NCKAP1: variants seen among roughly 807,000 people sequenced by gnomAD.
NCKAP1 encodes NCK associated protein 1.
A neutral mutation model predicts 151.2 loss-of-function variants in NCKAP1; 21 were observed. The ratio of observed to expected loss-of-function variants is 0.14; its 90% CI spans 0.10 to 0.20. The LOEUF is 0.20. Among genes scored for constraint, NCKAP1 ranks in the 10% least tolerant of loss-of-function variants. The pLI, the probability that NCKAP1 is intolerant of heterozygous loss-of-function variation, is 1.00. For missense variants in NCKAP1, 933 were observed against 1,352.1 expected, an observed-to-expected ratio of 0.69 and a Z score of 4.86; for synonymous variants, 484 against 451.8, an observed-to-expected ratio of 1.07 and a Z score of -0.90.
At chr2:183,037,921 A>G (rs960566311) in intron 1 of NCKAP1, 71 bp downstream of exon 1, 1 of 1,183,200 alleles carries the variant, frequency 8.5e-7, no homozygotes, top group East Asian at 3.2e-5. Flanking sequence ...CCCCCACCCC[A>G]CGGCCTCCCT....
At chr2:182,925,871 A>G in intron 30 of NCKAP1, 53 bp from the exon 31 acceptor site, 1 of 965,384 alleles carries the variant, frequency 1.0e-6, no homozygotes, top group Non-Finnish European at 1.5e-6. Context: ...TTGTTTATAA[A>G]CAAAAATCAT....
chr2:182,975,161 T>C (rs1401953751), intron 15 of NCKAP1, among the ~76,000 whole-genome samples: 1 of 152,182 alleles, frequency 6.6e-6, no homozygotes, highest in African/African-American at 2.4e-5. Context: ...CACTTCTTTT[T>C]TTTACAAGTT....
At chr2:183,026,133 A>C (rs1410323363) in intron 1 of NCKAP1, among the ~76,000 whole-genome samples, 1 of 152,222 alleles carries the variant, frequency 6.6e-6, no homozygotes, top group Non-Finnish European at 1.5e-5. Context: ...TCTTACACTG[A>C]AAACAGAAAG....
intron 15 of NCKAP1, 78 bp from the exon 16 acceptor site, chr2:182,967,439 C>T (rs1176073331): frequency 8.4e-6 from 11 of 1,302,760 alleles, no homozygotes; most frequent in Non-Finnish European, 1.2e-5. Flanking sequence ...GGGGGAAAAG[C>T]ATCACTGAAA....
rs1196018904 is a variant in NCKAP1 at position 182,919,095 on chromosome 2, T to TA, written c.*6606dup. On this transcript the variant is annotated 3_prime_UTR_variant, in exon 31 of 31. Coordinates refer to ENST00000361354, the MANE Select transcript of NCKAP1 (RefSeq NM_013436.5). The stretch of plus-strand genomic sequence containing the variant: ...AAGAGCAATATTTAGAGGTTTGAAT[T>TA]AGAGAAAACAGAGTATCTGGTACAC... 1 of 152,198 alleles carries TA rather than the reference T, an allele frequency of 6.6e-6. No homozygotes were observed. The highest frequency in any genetic ancestry group is 1.5e-5 in the Non-Finnish European group (1 of 68,028). 9.4% of individuals were successfully genotyped at this position (152,198 alleles called of 1,614,324 possible).
chr2:182,996,299 T>C (rs186216785), intron 6 of NCKAP1, among the ~76,000 whole-genome samples: 1 of 152,338 alleles, frequency 6.6e-6, no homozygotes, highest in Admixed American at 6.5e-5. Context: ...TAATACACTG[T>C]ACCTCATCTT....
intron 7 of NCKAP1, 107 bp downstream of exon 7, chr2:182,995,594 A>G: frequency 1.9e-6 from 2 of 1,042,908 alleles, no homozygotes; most frequent in Non-Finnish European, 2.8e-6. Context: ...ATGAACTTCA[A>G]CTAATAAGCT....
intron 12 of NCKAP1, 71 bp downstream of exon 12, chr2:182,982,743 TCTATCAG>T: frequency 1.2e-6 from 1 of 855,874 alleles, no homozygotes; most frequent in Non-Finnish European, 1.8e-6. Flanking sequence ...TTACAATAGG[TCTATCAG>T]GACATAACCC....
In NCKAP1 at chr2:183,004,689, G is replaced by C. The variant is rs572738973; in HGVS notation, c.220-1364C>G. ...ACCTGAGGTCAGCAGTTCGAGACCA[G>C]CCTGACCAACATGGTGAAACCCTGT... On this transcript the variant is annotated intron_variant, in intron 2 of 30. Coordinates refer to ENST00000361354, the MANE Select transcript of NCKAP1 (RefSeq NM_013436.5). Among the ~76,000 whole-genome samples the C allele has an allele frequency of 2.6e-5, 4 of 152,040 alleles. No individual in the cohort carries two copies. The East Asian group carries it at 5.8e-4, about 22-fold the overall frequency.
At chr2:183,031,966 A>C (rs952089551) in intron 1 of NCKAP1, among the ~76,000 whole-genome samples, 1 of 152,188 alleles carries the variant, frequency 6.6e-6, no homozygotes, top group African/African-American at 2.4e-5. Context: ...TTAAATCACC[A>C]CAGTTAATAA....
intron 1 of NCKAP1, among the ~76,000 whole-genome samples, chr2:183,036,182 T>A (rs1389983912): frequency 1.3e-5 from 2 of 152,346 alleles, no homozygotes; most frequent in African/African-American, 4.8e-5. Flanking sequence ...AGAGTTCAAA[T>A]GCCCAGAATT....
chr2:183,003,373 T>C (rs745685852), intron 2 of NCKAP1, 48 bp from the exon 3 acceptor site: 1 of 1,056,570 alleles, frequency 9.5e-7, no homozygotes, highest in Non-Finnish European at 1.4e-6. Context: ...ACAAAAGTAT[T>C]TAATTTTACT....
intron 20 of NCKAP1, among the ~76,000 whole-genome samples, chr2:182,953,957 T>C (rs1264184294): frequency 6.6e-6 from 1 of 152,200 alleles, no homozygotes; most frequent in Non-Finnish European, 1.5e-5. Context: ...CAGTGAACTA[T>C]TTAGTCTACA....
chr2:182,994,804 G>C (rs375502064), intron 8 of NCKAP1, 35 bp downstream of exon 8: 22 of 1,533,234 alleles, frequency 1.4e-5, no homozygotes, highest in African/African-American at 8.2e-5. Context: ...CATAAAGCCT[G>C]GGGAGTAATC....
chr2:183,018,906 T>TAA (rs1698744882), intron 2 of NCKAP1, among the ~76,000 whole-genome samples: 1 of 152,212 alleles, frequency 6.6e-6, no homozygotes, highest in African/African-American at 2.4e-5. Flanking sequence ...TTATTACACT[T>TAA]AGAGTTGCTT....
At chr2:183,020,625 A>C (rs1356071341) in intron 2 of NCKAP1, among the ~76,000 whole-genome samples, 3 of 152,160 alleles carry the variant, frequency 2.0e-5, no homozygotes, top group African/African-American at 7.2e-5. Context: ...AGAAAAAGTA[A>C]GCATGTTCTG....
Position 182,922,244 on chromosome 2 carries a change from A to G in NCKAP1, c.*3458T>C, listed in dbSNP as rs1378516832. ...AGTAGGTTACAATTCACTACCTTAC[A>G]GAATTTGGGCTTCATTTAGAAGGCC... On this transcript the variant is annotated 3_prime_UTR_variant, in exon 31 of 31. Transcript: ENST00000361354. The G allele has an allele frequency of 6.6e-6, 1 of 152,252 alleles. No individual in the cohort carries two copies. Among genetic ancestry groups the G allele is most frequent in the Admixed American group, 6.5e-5 (1 of 15,288 alleles). The allele number at this position is 152,252 out of a possible 1,614,324, so 9.4% of individuals were successfully genotyped here. A position where few individuals can be genotyped will look rare whatever the true frequency, so the allele number is the denominator to read the frequency against.
intron 27 of NCKAP1, 129 bp downstream of exon 27, chr2:182,930,563 CAAT>C (rs1696742058): frequency 1.4e-6 from 1 of 689,894 alleles, no homozygotes; most frequent in East Asian, 2.7e-5. Flanking sequence ...CAAGTACCAG[CAAT>C]AATAATAACA....
At chr2:182,974,242 C>A (rs964742472) in intron 15 of NCKAP1, among the ~76,000 whole-genome samples, 1 of 134,198 alleles carries the variant, frequency 7.5e-6, no homozygotes, top group Non-Finnish European at 1.5e-5. Flanking sequence ...CCTTTGTATG[C>A]ATTGTCCTGT....
Sources: gnomAD v4.1 joint callset for allele counts (sites outside exome capture counted in the v4.1 genomes callset) on GRCh38, gnomAD v4.1.1 for gene constraint, MANE v1.5 for transcripts, NCBI Gene and HGNC (gene_info 2026-07-23, HGNC 2026-07-21) for gene names.